The following CDC20B variants were observed in gnomAD, a reference collection of about 807,000 sequenced individuals.
CDC20B encodes the protein cell division cycle 20B, also known as cell division cycle protein 20 homolog B.
In CDC20B, 58 loss-of-function variants were observed where a neutral mutation model predicts 64.1. The observed-to-expected ratio is 0.90, with a 90% CI of 0.73 to 1.13. CDC20B has a LOEUF of 1.13. Among genes scored for constraint, CDC20B ranks in the 50% most tolerant of loss-of-function variants. The pLI is 0.00. For missense variants in CDC20B, 597 were observed against 633.0 expected (o/e 0.94, Z 0.61); for synonymous variants, 243 against 230.6 (o/e 1.05, Z -0.49).
At position 55,146,673 on chromosome 5, in the gene CDC20B, C is replaced by T. The variant is rs201161421; in HGVS notation, c.310G>A (p.Gly104Arg). The change falls in exon 3 of 12, where the codon GGA becomes AGA. Residue 104 changes from glycine (G) to arginine (R), a missense_variant. By Grantham distance (125) the Gly-to-Arg change is moderately radical. Around this residue, in one of 3 missense-constraint regions of CDC20B, gnomAD observed 241 missense variants for 219.2 expected, o/e 1.10. Transcript: ENST00000381375. ...QSTTYLPEAS[G>R]SVLKTPPEKE... ...TCAGGCGGTGTCTTCAGCACTGATCCGGAAGCTTCTGGGAGGTAGGTGGTT... is the reference window on the plus strand; with the variant it reads ...TCAGGCGGTGTCTTCAGCACTGATCTGGAAGCTTCTGGGAGGTAGGTGGTT... 3.6e-5 allele frequency: 58 copies of T among 1,613,966 alleles called. No homozygotes were observed. The highest frequency in any genetic ancestry group is 4.5e-5 in the Non-Finnish European group (53 of 1,180,026).
At chr5:55,129,450 T>A (rs953352922) in intron 6 of CDC20B, among the ~76,000 whole-genome samples, 42 of 152,056 alleles carry the variant, frequency 2.8e-4, no homozygotes, top group African/African-American at 9.9e-4. Flanking sequence ...ATTGATGGAG[T>A]GCCAGCGAAG....
intron 2 of CDC20B, among the ~76,000 whole-genome samples, chr5:55,161,647 A>C (rs1181587065): frequency 6.6e-6 from 1 of 152,248 alleles, no homozygotes; most frequent in Non-Finnish European, 1.5e-5. Context: ...TTATTAGTTA[A>C]CATATGTTTG....
intron 2 of CDC20B, chr5:55,166,927 G>C (rs1744423238): frequency 6.6e-6 from 1 of 152,224 alleles, no homozygotes; most frequent in African/African-American, 2.4e-5. Flanking sequence ...CTACCTGGGA[G>C]GCTGAGTCAG....
chr5:55,172,879 C>T (rs1744670831), intron 1 of CDC20B, 59 bp downstream of exon 1: 1 of 1,474,754 alleles, frequency 6.8e-7, no homozygotes, highest in Non-Finnish European at 9.2e-7. Context: ...ATATTATGAA[C>T]GGGGCCTTCG....
rs1580352206 is a variant in CDC20B at position 55,143,631 on chromosome 5, T to C, written c.368A>G (p.Glu123Gly). The C allele has an allele frequency of 6.3e-7, 1 of 1,595,716 alleles. No homozygotes were observed. Among genetic ancestry groups the C allele is most frequent in the Non-Finnish European group, 8.5e-7 (1 of 1,173,424 alleles). ...KETLTLGSRK[E>G]QLKTPSKGIS... ...TCCTTTGCTGGGGGTCTTCAGTTGT[T>C]CTTTGCGGGATCCTACAAGAAAGAC... The change falls in exon 4 of 12, where the codon GAA (glutamate) becomes GGA (glycine). Residue 123 changes from glutamate (E) to glycine (G), a missense_variant. Glu to Gly is a moderately conservative substitution (Grantham distance 98, BLOSUM62 -2). Around this residue, in one of 3 missense-constraint regions of CDC20B, gnomAD observed 241 missense variants for 219.2 expected, o/e 1.10. Coordinates refer to ENST00000381375, the MANE Select transcript of CDC20B (RefSeq NM_001170402.1).
chr5:55,123,775 G>C (rs116684705), intron 9 of CDC20B, among the ~76,000 whole-genome samples: 5 of 152,228 alleles, frequency 3.3e-5, no homozygotes, highest in Admixed American at 3.3e-4. Flanking sequence ...TTCAGACAGC[G>C]TATTTTACAT....
intron 4 of CDC20B, 144 bp downstream of exon 4, chr5:55,143,369 C>A: frequency 2.5e-6 from 2 of 797,330 alleles, no homozygotes; most frequent in African/African-American, 1.7e-5. Context: ...CTATTCATAT[C>A]CTTCAATTAT....
intron 2 of CDC20B, chr5:55,164,028 C>T: frequency 6.7e-7 from 1 of 1,485,038 alleles, no homozygotes; most frequent in Non-Finnish European, 9.1e-7. Flanking sequence ...AAATTATGCT[C>T]ATGAAAATAT....
chr5:55,126,821 G>GA (rs1742905173), intron 8 of CDC20B, among the ~76,000 whole-genome samples: 1 of 152,166 alleles, frequency 6.6e-6, no homozygotes, highest in South Asian at 2.1e-4. Flanking sequence ...GAGAACTACT[G>GA]AACAGGATAA....
intron 3 of CDC20B, among the ~76,000 whole-genome samples, chr5:55,145,199 G>C (rs908320729): frequency 1.3e-5 from 2 of 152,164 alleles, no homozygotes; most frequent in Non-Finnish European, 2.9e-5. Context: ...TCAGAAGATA[G>C]TCATAACAAT....
chr5:55,171,434 G>A (rs1054954355), intron 2 of CDC20B, among the ~76,000 whole-genome samples: 1 of 152,156 alleles, frequency 6.6e-6, no homozygotes, highest in Non-Finnish European at 1.5e-5. Context: ...TACATAAGCT[G>A]TGCACGACAC....
intron 5 of CDC20B, chr5:55,137,623 G>A: frequency 2.2e-6 from 1 of 456,706 alleles, no homozygotes. Context: ...TCTTCATGCT[G>A]CCACTAAAGT....
chr5:55,140,802 A>G (rs546565087), intron 4 of CDC20B, among the ~76,000 whole-genome samples: 1 of 152,288 alleles, frequency 6.6e-6, no homozygotes, highest in East Asian at 1.9e-4. Context: ...AGAGCTCTTA[A>G]GTAACTTTAC....
At position 55,163,667 on chromosome 5, in the gene CDC20B, C is replaced by T. The variant is rs11750703; in HGVS notation, c.126+8921G>A. ...GATTACAGGTGCACACCACCACACC[C>T]GGCTAATTTTTTGTATTTTTAGTAG... On this transcript the variant is annotated intron_variant, in intron 2 of 11. Coordinates refer to ENST00000381375, the MANE Select transcript of CDC20B (RefSeq NM_001170402.1). 5.9e-5 allele frequency among the ~76,000 whole-genome samples: 9 copies of T among 151,426 alleles called. No individual in the cohort carries two copies. In the East Asian group the frequency reaches 9.8e-4, roughly 16 times the overall value.
intron 11 of CDC20B, 53 bp downstream of exon 11, chr5:55,119,748 C>A (rs1337575288): frequency 1.6e-5 from 18 of 1,100,766 alleles, no homozygotes; most frequent in African/African-American, 3.1e-5. Context: ...TTCCCCCCAA[C>A]AACAGCTCAC....
At chr5:55,132,498 C>T (rs1743055570) in intron 6 of CDC20B, among the ~76,000 whole-genome samples, 2 of 152,220 alleles carry the variant, frequency 1.3e-5, no homozygotes, top group East Asian at 1.9e-4. Context: ...CAAATCACCT[C>T]CTCTGCCAAT....
At chr5:55,143,329 G>A (rs1342626471) in intron 4 of CDC20B, among the ~76,000 whole-genome samples, 184 bp downstream of exon 4, 3 of 151,782 alleles carry the variant, frequency 2.0e-5, no homozygotes, top group East Asian at 1.9e-4. Flanking sequence ...ATATATTTGG[G>A]GGATATCTTC....
At chr5:55,143,393 G>A (rs1743382032) in intron 4 of CDC20B, 120 bp downstream of exon 4, 3 of 1,019,432 alleles carry the variant, frequency 2.9e-6, no homozygotes, top group Non-Finnish European at 4.1e-6. Context: ...TTTTTTATCA[G>A]GAATGCATCA....
intron 2 of CDC20B, among the ~76,000 whole-genome samples, chr5:55,167,339 A>C (rs1029206804): frequency 2.6e-5 from 4 of 152,354 alleles, no homozygotes; most frequent in African/African-American, 9.6e-5. Context: ...AATGTTTAAC[A>C]ATTACACTGT....
Sources: gnomAD v4.1 joint callset for allele counts (sites outside exome capture counted in the v4.1 genomes callset) on GRCh38, gnomAD v4.1.1 for gene constraint, gnomAD v4.1.1 regional missense constraint, MANE v1.5 for transcripts, NCBI Gene and HGNC (gene_info 2026-07-23, HGNC 2026-07-21) for gene names.